The following GLP2R variants were observed in gnomAD, a reference collection of about 807,000 sequenced individuals.
The protein encoded by GLP2R is glucagon like peptide 2 receptor.
GLP2R carries 59 observed loss-of-function variants against 68.2 expected under a neutral mutation model. The ratio of observed to expected loss-of-function variants is 0.87; its 90% confidence interval spans 0.70 to 1.07. The LOEUF (loss-of-function observed/expected upper bound fraction) is 1.07, where lower values mean the gene tolerates loss of function less well. Among genes scored for constraint, GLP2R ranks in the 50% least tolerant of loss-of-function variants. GLP2R has a pLI of 0.00. For missense variants in GLP2R, 548 were observed against 677.4 expected (o/e 0.81, Z 2.12); for synonymous variants, 270 against 265.4 (o/e 1.02, Z -0.17).
chr17:9,874,608 C>T (rs142546938), intron 10 of GLP2R, among the ~76,000 whole-genome samples: 128 of 152,214 alleles, frequency 8.4e-4, no homozygotes, highest in African/African-American at 2.8e-3. Context: ...TACAGGGAAC[C>T]CATCTATATT....
intron 2 of GLP2R, among the ~76,000 whole-genome samples, chr17:9,835,289 C>A (rs1323025186): frequency 1.3e-5 from 2 of 151,946 alleles, no homozygotes; most frequent in Non-Finnish European, 1.5e-5. Context: ...GCCATTTTAG[C>A]CTAATAGGGA....
intron 1 of GLP2R, among the ~76,000 whole-genome samples, chr17:9,826,861 T>A (rs1198379511): frequency 6.6e-6 from 1 of 152,052 alleles, no homozygotes; most frequent in Non-Finnish European, 1.5e-5. Context: ...TTGCATACAG[T>A]TTTTTGTTTG....
intron 10 of GLP2R, among the ~76,000 whole-genome samples, chr17:9,877,386 C>A (rs1567736305): frequency 6.6e-6 from 1 of 152,158 alleles, no homozygotes; most frequent in African/African-American, 2.4e-5. Context: ...CCCTTCATGT[C>A]TCCATCCAGA....
At chr17:9,854,385 A>C (rs2066916861) in intron 4 of GLP2R, 110 bp from the exon 5 acceptor site, 1 of 712,140 alleles carries the variant, frequency 1.4e-6, no homozygotes, top group South Asian at 1.6e-5. Context: ...ACATTTAAAA[A>C]AATGTTGGGA....
At chr17:9,845,779 T>C (rs2066832273) in intron 4 of GLP2R, among the ~76,000 whole-genome samples, 1 of 139,254 alleles carries the variant, frequency 7.2e-6, no homozygotes, top group Non-Finnish European at 1.7e-5. Context: ...GTGTGTAATA[T>C]TTCATTTGAC....
chr17:9,829,945 G>A (rs937447485), intron 1 of GLP2R, among the ~76,000 whole-genome samples: 82 of 152,290 alleles, frequency 5.4e-4, no homozygotes, highest in Admixed American at 4.3e-3. Context: ...GGCCAAGTTC[G>A]TTGCTGATGC....
chr17:9,853,701 A>G (rs934371719), intron 4 of GLP2R, among the ~76,000 whole-genome samples: 2 of 152,248 alleles, frequency 1.3e-5, no homozygotes, highest in Non-Finnish European at 2.9e-5. Flanking sequence ...TCCTATATCT[A>G]TTATTAAAAT....
At chr17:9,888,098 G>T (rs1438710947) in intron 12 of GLP2R, 125 bp downstream of exon 12, 1 of 793,096 alleles carries the variant, frequency 1.3e-6, no homozygotes, top group Non-Finnish European at 2.3e-6. Flanking sequence ...CATGTGTGGG[G>T]ACAAATTTGT....
rs183470131 is a variant in GLP2R, at chr17:9,890,263, A to C, written c.*558A>C. ...GAGAACACTGGGCAGGGTGAGAGGG[A>C]GCTAGAAGCGCCCCCATGTGGCCAT... On this transcript the variant is annotated 3_prime_UTR_variant, in exon 13 of 13. Transcript: ENST00000262441. The C allele has an allele frequency of 3.5e-5, 12 of 342,732 alleles. No individual in the cohort carries two copies. Among genetic ancestry groups the C allele is most frequent in the East Asian group, 3.2e-4 (4 of 12,620 alleles). 21.2% of individuals were successfully genotyped at this position (342,732 alleles called of 1,614,324 possible). A position where few individuals can be genotyped will look rare whatever the true frequency, so the allele number is the denominator to read the frequency against.
In GLP2R at chr17:9,880,400, C is replaced by G. The variant is rs576098912; in HGVS notation, c.1168C>G (p.Leu390Val). 2 of 1,600,920 alleles carry G rather than the reference C, an allele frequency of 1.2e-6. No individual in the cohort carries two copies. Among genetic ancestry groups the G allele is most frequent in the South Asian group, 2.3e-5 (2 of 88,880 alleles). Residue 390 changes from leucine to valine, a missense_variant, in exon 11 of 13, where the codon CTC (leucine) becomes GTC (valine). Leu to Val is a conservative substitution (Grantham distance 32). Coordinates refer to ENST00000262441, the MANE Select transcript of GLP2R (RefSeq NM_004246.3). Reference protein sequence around the residue: ...KYRLAKSTLVLIPLLGVHEIL... With the variant: ...KYRLAKSTLVVIPLLGVHEIL... ...CAGATTGGCAAAATCAACACTGGTC[C>G]TCATTCCTTTATTGGGCGTTCATGA... is the stretch of plus-strand genomic sequence containing the variant.
intron 4 of GLP2R, among the ~76,000 whole-genome samples, chr17:9,846,546 G>C (rs12602585): frequency 0.13 from 20,342 of 152,172 alleles, 2,333 homozygotes; most frequent in African/African-American, 0.31. Flanking sequence ...TAAGCCCCAG[G>C]AGGTTGAGAC....
At chr17:9,879,581 T>C (rs1426642980) in intron 10 of GLP2R, among the ~76,000 whole-genome samples, 1 of 152,102 alleles carries the variant, frequency 6.6e-6, no homozygotes, top group African/African-American at 2.4e-5. Context: ...ACTATATGTA[T>C]ATATTTTAAG....
At chr17:9,869,022 G>A (rs950572720) in intron 9 of GLP2R, among the ~76,000 whole-genome samples, 1 of 152,158 alleles carries the variant, frequency 6.6e-6, no homozygotes, top group Admixed American at 6.5e-5. Context: ...TCTTTGGCTA[G>A]GAACCTCCAT....
chr17:9,852,627 A>G (rs1001374138), intron 4 of GLP2R: 2 of 172,560 alleles, frequency 1.2e-5, no homozygotes, highest in African/African-American at 4.8e-5. Flanking sequence ...AAACGGAAAG[A>G]CAATATGAAA....
chr17:9,857,805 T>C (rs945117610), intron 6 of GLP2R, among the ~76,000 whole-genome samples: 4 of 152,250 alleles, frequency 2.6e-5, no homozygotes, highest in African/African-American at 4.8e-5. Context: ...TGTATGTCCT[T>C]GGGTGGGAAT....
chr17:9,875,212 T>G (rs2067132948), intron 10 of GLP2R, among the ~76,000 whole-genome samples: 2 of 152,218 alleles, frequency 1.3e-5, no homozygotes, highest in Admixed American at 1.3e-4. Context: ...TCTCTCACTT[T>G]CAAGTTCTGA....
At chr17:9,877,924 G>A (rs868218343) in intron 10 of GLP2R, among the ~76,000 whole-genome samples, 1 of 150,974 alleles carries the variant, frequency 6.6e-6, no homozygotes, top group African/African-American at 2.4e-5. Context: ...GAAGAGACAT[G>A]GGAACTCTCT....
In GLP2R at chr17:9,856,570, G is replaced by A. The variant is rs529759475; in HGVS notation, c.612-853G>A. ...GAGACCCCAGGTGCATAAGGAAGAG[G>A]TGATGAGAGCTAACATTTTTCTGGA... On this transcript the variant is annotated intron_variant, in intron 5 of 12. Coordinates refer to ENST00000262441, the MANE Select transcript of GLP2R (RefSeq NM_004246.3). Among the ~76,000 whole-genome samples the A allele has an allele frequency of 3.3e-4, 50 of 152,310 alleles. No individual in the cohort carries two copies. The South Asian group carries it at 9.3e-3, about 28-fold the overall frequency.
intron 10 of GLP2R, among the ~76,000 whole-genome samples, chr17:9,874,257 C>A (rs1386634833): frequency 6.6e-6 from 1 of 152,108 alleles, no homozygotes; most frequent in Admixed American, 6.5e-5. Context: ...AGCGATGATC[C>A]AGGGTGACTG....
Sources: gnomAD v4.1 joint callset for allele counts (sites outside exome capture counted in the v4.1 genomes callset) on GRCh38, gnomAD v4.1.1 for gene constraint, MANE v1.5 for transcripts, NCBI Gene and HGNC (gene_info 2026-07-23, HGNC 2026-07-21) for gene names.